Variants in MEI4 observed in about 807,000 individuals in gnomAD.
MEI4 encodes meiotic double-stranded break formation protein 4, also known as meiosis-specific protein MEI4.
Under a neutral mutation model 31.4 loss-of-function variants are expected in MEI4, and 27 were observed. The observed-to-expected ratio is 0.86, with a 90% CI of 0.63 to 1.19. The LOEUF (loss-of-function observed/expected upper bound fraction) is 1.19, where lower values mean the gene tolerates loss of function less well. MEI4 is among the 50% of genes most tolerant of loss of function. The pLI is 0.00. For synonymous variants in MEI4, 122 were observed against 145.4 expected, an observed-to-expected ratio of 0.84 and a Z score of 1.16; for missense variants, 329 against 398.9, an observed-to-expected ratio of 0.82 and a Z score of 1.49.
chr6:77,728,772 C>G (rs926828423), intron 2 of MEI4, among the ~76,000 whole-genome samples: 6 of 152,042 alleles, frequency 3.9e-5, no homozygotes, highest in Non-Finnish European at 7.4e-5. Context: ...TGGAGCAGAG[C>G]AAGTAAGGAA....
intron 3 of MEI4, among the ~76,000 whole-genome samples, chr6:77,771,962 C>A (rs1408362011): frequency 2.6e-5 from 4 of 151,762 alleles, no homozygotes; most frequent in East Asian, 1.9e-4. Context: ...AAATTATACA[C>A]CTGAAATTCT....
chr6:77,796,314 G>T (rs1769073585), intron 3 of MEI4, among the ~76,000 whole-genome samples: 1 of 152,044 alleles, frequency 6.6e-6, no homozygotes, highest in Non-Finnish European at 1.5e-5. Context: ...AACAGAACAG[G>T]GTGCCCACTC....
chr6:77,850,506 G>A (rs890379834), intron 4 of MEI4, among the ~76,000 whole-genome samples: 9 of 152,080 alleles, frequency 5.9e-5, no homozygotes, highest in South Asian at 4.1e-4. Flanking sequence ...TCTGATCTCC[G>A]ACAAACCTGA....
At chr6:77,727,494 T>G (rs996828032) in intron 2 of MEI4, among the ~76,000 whole-genome samples, 3 of 152,192 alleles carry the variant, frequency 2.0e-5, no homozygotes, top group Non-Finnish European at 2.9e-5. Context: ...AAGAAGGTGT[T>G]GGAAGACAGT....
At chr6:77,867,748 C>T (rs1771079536) in intron 4 of MEI4, among the ~76,000 whole-genome samples, 1 of 151,978 alleles carries the variant, frequency 6.6e-6, no homozygotes, top group Non-Finnish European at 1.5e-5. Flanking sequence ...AGTCATGCTG[C>T]TATAAAGACA....
intron 3 of MEI4, among the ~76,000 whole-genome samples, chr6:77,803,560 G>A (rs185865552): frequency 1.3e-5 from 2 of 152,260 alleles, no homozygotes; most frequent in African/African-American, 4.8e-5. Context: ...GATTTTTGGA[G>A]TTTCCAGTTT....
At chr6:77,840,230 G>T (rs1245886893) in intron 4 of MEI4, among the ~76,000 whole-genome samples, 1 of 152,088 alleles carries the variant, frequency 6.6e-6, no homozygotes, top group Non-Finnish European at 1.5e-5. Context: ...ATATTCCCTG[G>T]ATGGGCCCAA....
At chr6:77,863,305 G>A (rs996784561) in intron 4 of MEI4, among the ~76,000 whole-genome samples, 9 of 151,992 alleles carry the variant, frequency 5.9e-5, no homozygotes, top group African/African-American at 1.7e-4. Context: ...GAGGAAGTTC[G>A]AACCCATGGC....
At chr6:77,731,900 C>T (rs1315843364) in intron 2 of MEI4, among the ~76,000 whole-genome samples, 1 of 151,796 alleles carries the variant, frequency 6.6e-6, no homozygotes, top group Non-Finnish European at 1.5e-5. Flanking sequence ...TTCCCCAATG[C>T]TTGTTTTTGT....
intron 4 of MEI4, among the ~76,000 whole-genome samples, chr6:77,911,517 T>G (rs1766434584): frequency 6.6e-6 from 1 of 151,898 alleles, no homozygotes; most frequent in Non-Finnish European, 1.5e-5. Flanking sequence ...GCTGTTCATG[T>G]GTACTCAATG....
intron 4 of MEI4, among the ~76,000 whole-genome samples, chr6:77,912,177 A>G (rs577623413): frequency 1.8e-4 from 28 of 152,094 alleles, no homozygotes; most frequent in African/African-American, 6.5e-4. Flanking sequence ...ATTCTGTTCA[A>G]TTAGTCTATG....
At chr6:77,666,176 G>A (rs1396149600) in intron 1 of MEI4, among the ~76,000 whole-genome samples, 1 of 152,072 alleles carries the variant, frequency 6.6e-6, no homozygotes, top group Admixed American at 6.5e-5. Flanking sequence ...AATGTTTTGC[G>A]GGCAGGGGGT....
chr6:77,735,945 C>T (rs781608365), intron 2 of MEI4, among the ~76,000 whole-genome samples: 4 of 148,170 alleles, frequency 2.7e-5, no homozygotes, highest in Admixed American at 6.7e-5. Flanking sequence ...TTAGGCTGCT[C>T]GGGGGTCAGG....
intron 4 of MEI4, among the ~76,000 whole-genome samples, chr6:77,890,000 T>A (rs186400537): frequency 2.6e-5 from 4 of 152,332 alleles, no homozygotes; most frequent in African/African-American, 7.2e-5. Flanking sequence ...AATGCTTGGA[T>A]GTCCAGGAAG....
At chr6:77,861,071 C>T (rs748609519) in intron 4 of MEI4, among the ~76,000 whole-genome samples, 5 of 152,166 alleles carry the variant, frequency 3.3e-5, no homozygotes, top group Non-Finnish European at 1.5e-5. Context: ...AACCCCATCA[C>T]CCTCATAGAA....
intron 4 of MEI4, among the ~76,000 whole-genome samples, chr6:77,907,548 T>C (rs1562033744): frequency 6.6e-6 from 1 of 152,196 alleles, no homozygotes; most frequent in East Asian, 1.9e-4. Flanking sequence ...TGTTGGACAT[T>C]TGGCGTGGTT....
rs62415490 is a variant in MEI4 at position 77,798,759 on chromosome 6, C to A, written c.769-30172C>A. Among the ~76,000 whole-genome samples, 4 of 146,626 alleles carry A rather than the reference C, an allele frequency of 2.7e-5. No individual in the cohort carries two copies. In the South Asian group the frequency reaches 8.6e-4, roughly 32 times the overall value. ...TATGCGGTGTTTGGTTTTTTGTTCT[C>A]GCGATAGTTTACTGAGAATGATGAC... On this transcript the variant is annotated intron_variant, in intron 3 of 4. Coordinates refer to ENST00000684080, the MANE Select transcript of MEI4 (RefSeq NM_001322247.2).
intron 2 of MEI4, among the ~76,000 whole-genome samples, chr6:77,735,867 C>G (rs965316683): frequency 1.3e-5 from 2 of 152,134 alleles, no homozygotes; most frequent in East Asian, 1.9e-4. Context: ...GGACCCTCAG[C>G]TGCAGGTCTG....
chr6:77,736,076 C>A (rs550132488), intron 2 of MEI4, among the ~76,000 whole-genome samples: 2 of 152,082 alleles, frequency 1.3e-5, no homozygotes, highest in African/African-American at 4.8e-5. Context: ...GAGGTTACTG[C>A]TGTCTTTTTG....
Sources: gnomAD v4.1 joint callset for allele counts (sites outside exome capture counted in the v4.1 genomes callset) on GRCh38, gnomAD v4.1.1 for gene constraint, MANE v1.5 for transcripts, NCBI Gene and HGNC (gene_info 2026-07-23, HGNC 2026-07-21) for gene names.